Variants in NACAD observed in about 807,000 individuals in gnomAD.
The protein encoded by NACAD is NAC alpha domain containing.
A neutral mutation model predicts 98.9 loss-of-function variants in NACAD; 47 were observed. The ratio of observed to expected loss-of-function variants is 0.48; its 90% confidence interval spans 0.38 to 0.61. NACAD has a LOEUF of 0.61. Among genes scored for constraint, NACAD ranks in the 20% least tolerant of loss-of-function variants. The pLI, the probability that NACAD is intolerant of heterozygous loss-of-function variation, is 0.00. For missense variants in NACAD, 1,412 were observed against 1,748.2 expected (o/e 0.81, Z 3.43); for synonymous variants, 696 against 767.2 (o/e 0.91, Z 1.53).
intron 1 of NACAD, among the ~76,000 whole-genome samples, chr7:45,087,854 C>T (rs1339966102): frequency 6.6e-6 from 1 of 152,182 alleles, no homozygotes; most frequent in Non-Finnish European, 1.5e-5. Flanking sequence ...CTGGTGTGGC[C>T]CCCAGGGCAG....
chr7:45,081,530 G>C, intron 4 of NACAD, 71 bp downstream of exon 4: 1 of 1,525,452 alleles, frequency 6.6e-7, no homozygotes, highest in Non-Finnish European at 8.9e-7. Context: ...TGGAGTGTGA[G>C]GGTCTTGGTA....
At chr7:45,087,676 C>T (rs1322702199) in intron 1 of NACAD, among the ~76,000 whole-genome samples, 1 of 152,246 alleles carries the variant, frequency 6.6e-6, no homozygotes, top group Admixed American at 6.5e-5. Context: ...AACCACCAGC[C>T]AAAACTTGTC....
rs1443328028 is a variant in NACAD, at chr7:45,083,402, C to T, written c.2778G>A (p.Leu926=). 3 of 1,550,976 alleles carry T rather than the reference C, an allele frequency of 1.9e-6. No homozygotes were observed. Among genetic ancestry groups the T allele is most frequent in the South Asian group, 1.2e-5 (1 of 84,056 alleles). Residue 926 remains leucine, a synonymous_variant, in exon 2 of 8, where the codon CTG becomes CTA. Coordinates refer to ENST00000490531, the MANE Select transcript of NACAD (RefSeq NM_001146334.2). ...AGGTGGGGCCTGTGTCTTGCAGAGG[C>T]AGAGGTGCTGTCATAGCGGAGTCCT... ...LPQDSAMTAP[L]PLQDTGPTSG...
In NACAD at chr7:45,084,510, A is replaced by C; in HGVS notation, c.1670T>G (p.Leu557Trp). 2 of 1,552,286 alleles carry C rather than the reference A, an allele frequency of 1.3e-6. No homozygotes were observed. Among genetic ancestry groups the C allele is most frequent in the Non-Finnish European group, 1.7e-6 (2 of 1,147,112 alleles). The change falls in exon 2 of 8, where the codon TTG becomes TGG. Residue 557 changes from leucine (L) to tryptophan (W), a missense_variant. Leu to Trp is a moderately conservative substitution (Grantham distance 61). This residue lies in a region of NACAD where 638 missense variants were observed against 722.7 expected (regional missense o/e 0.88). Coordinates refer to ENST00000490531, the MANE Select transcript of NACAD (RefSeq NM_001146334.2). The stretch of plus-strand genomic sequence containing the variant: ...CAAGTTCTGAGGAGAGTCTGGACAC[A>C]ATGTGAGGCTTGTTTCTTCCTGTGG... ...PTPQEETSLT[L>W]CPDSPQNLKE...
Position 45,083,149 on chromosome 7 carries a change from TC to T in NACAD, c.3030del (p.Thr1011HisfsTer31). The T allele has an allele frequency of 6.4e-7, 1 of 1,550,820 alleles. No individual in the cohort carries two copies. Among genetic ancestry groups the T allele is most frequent in the Non-Finnish European group, 8.7e-7 (1 of 1,146,990 alleles). Reference protein sequence around the residue: ...QDDPQPAAEAGTPWAAQEDAD... With the variant: ...QDDPQPAAEAXTPWAAQEDAD... ...GCATCTTCCTGTGCGGCCCAAGGTG[TC>T]CCAGCTTCTGCAGCTGGCTGTGGGT... is the stretch of plus-strand genomic sequence containing the variant. On this transcript the variant is annotated frameshift_variant, in exon 2 of 8. Coordinates refer to ENST00000490531, the MANE Select transcript of NACAD (RefSeq NM_001146334.2). LOFTEE classifies it high-confidence loss of function.
Position 45,085,391 on chromosome 7 carries a change from T to C in NACAD, c.789A>G (p.Arg263=), listed in dbSNP as rs1008441432. Residue 263 remains arginine (R), a synonymous_variant, in exon 2 of 8, where the codon CGA becomes CGG. Transcript: ENST00000490531. This position sits in a 1 kb window ranked among gnomAD's most constrained non-coding sequence, Gnocchi z 6.1. ...CTGGGGTCCCTGCTGGGTGCAGCTC[T>C]CGTTCATCCACCATGGACCCCTGCG... ...LSPQGSMVDE[R]ELHPAGTPEP... is the part of the protein sequence containing the mutation. 1.4e-5 allele frequency: 22 copies of C among 1,547,606 alleles called. No homozygotes were observed. Among genetic ancestry groups the C allele is most frequent in the Non-Finnish European group, 1.9e-5 (22 of 1,145,264 alleles).
At chr7:45,081,550 C>T (rs1784430334) in intron 4 of NACAD, 51 bp downstream of exon 4, 2 of 1,546,128 alleles carry the variant, frequency 1.3e-6, no homozygotes, top group South Asian at 2.4e-5. Flanking sequence ...AAGGACGTTC[C>T]CCACACAGAT....
chr7:45,086,287 T>G (rs1381039759), intron 1 of NACAD, among the ~76,000 whole-genome samples, 175 bp from the exon 2 acceptor site: 1 of 152,154 alleles, frequency 6.6e-6, no homozygotes, highest in Non-Finnish European at 1.5e-5. Context: ...TTCCAGGAGT[T>G]TTGACAGCAG....
Position 45,084,554 on chromosome 7 carries a change from A to G in NACAD, c.1626T>C (p.Thr542=). 1 of 1,552,166 alleles carries G rather than the reference A, an allele frequency of 6.4e-7. No individual in the cohort carries two copies. Among genetic ancestry groups the G allele is most frequent in the Non-Finnish European group, 8.7e-7 (1 of 1,147,102 alleles). Residue 542 remains threonine (T), a synonymous_variant, in exon 2 of 8, where the codon ACT becomes ACC. Coordinates refer to ENST00000490531, the MANE Select transcript of NACAD (RefSeq NM_001146334.2). ...ISEILGQESV[T]AEKLPTPQEE... The stretch of plus-strand genomic sequence containing the variant: ...CCTGTGGAGTTGGAAGTTTTTCTGC[A>G]GTGACAGACTCTTGGCCTAAGATCT...
Position 45,082,895 on chromosome 7 carries a change from T to G in NACAD, c.3285A>C (p.Ser1095=). The change falls in exon 2 of 8, where the codon TCA becomes TCC. Residue 1095 remains serine (S), a synonymous_variant. Coordinates refer to ENST00000490531, the MANE Select transcript of NACAD (RefSeq NM_001146334.2). This position sits in a 1 kb window ranked among gnomAD's most constrained non-coding sequence, Gnocchi z 4.5. ...GGACCTCCCTTGCACCTCCAAGTGC[T>G]GACCTGGGTCCATGTTCCTGTGCCA... is the stretch of plus-strand genomic sequence containing the variant. ...KPLAQEHGPR[S]ALGGAREVPD... 6.4e-7 allele frequency: 1 copy of G among 1,550,964 alleles called. No homozygotes were observed. The highest frequency in any genetic ancestry group is 8.7e-7 in the Non-Finnish European group (1 of 1,146,980).
In NACAD at chr7:45,083,409, G is replaced by A; in HGVS notation, c.2771C>T (p.Ala924Val). The part of the protein sequence containing the change: ...LTLPQDSAMT[A>V]PLPLQDTGPT... ...GCCTGTGTCTTGCAGAGGCAGAGGT[G>A]CTGTCATAGCGGAGTCCTGGGGTAA... The change falls in exon 2 of 8, where the codon GCA becomes GTA. Residue 924 changes from alanine (A) to valine (V), a missense_variant. Ala to Val is a moderately conservative substitution (Grantham distance 64, BLOSUM62 0). Coordinates refer to ENST00000490531, the MANE Select transcript of NACAD (RefSeq NM_001146334.2). The A allele has an allele frequency of 6.4e-7, 1 of 1,550,776 alleles. No homozygotes were observed. Among genetic ancestry groups the A allele is most frequent in the Non-Finnish European group, 8.7e-7 (1 of 1,147,020 alleles).
Position 45,085,524 on chromosome 7 carries a change from G to C in NACAD, c.656C>G (p.Ser219Cys). 6.4e-7 allele frequency: 1 copy of C among 1,550,762 alleles called. No individual in the cohort carries two copies. Among genetic ancestry groups the C allele is most frequent in the Non-Finnish European group, 8.7e-7 (1 of 1,146,948 alleles). The stretch of plus-strand genomic sequence containing the variant: ...GCTGTCCCCATCGGCCGTAATGTAG[G>C]AGCCCGAGGGTGAGGCGGGGGGCGA... ...LDSPPASPSG[S>C]YITADGDSWA... Residue 219 changes from serine to cysteine, a missense_variant, in exon 2 of 8, where the codon TCC (serine) becomes TGC (cysteine). Coordinates refer to ENST00000490531, the MANE Select transcript of NACAD (RefSeq NM_001146334.2). The surrounding 1 kb of genome is among the most constrained non-coding windows in gnomAD (Gnocchi z 6.1).
In NACAD at chr7:45,084,530, C is replaced by T. The variant is rs1323662305; in HGVS notation, c.1650G>A (p.Gln550=). The change falls in exon 2 of 8, where the codon CAG becomes CAA. Residue 550 remains glutamine, a synonymous_variant. Transcript: ENST00000490531. ...GACACAATGTGAGGCTTGTTTCTTC[C>T]TGTGGAGTTGGAAGTTTTTCTGCAG... is the stretch of plus-strand genomic sequence containing the variant. ...SVTAEKLPTP[Q]EETSLTLCPD... 1 of 1,552,256 alleles carries T rather than the reference C, an allele frequency of 6.4e-7. No homozygotes were observed.
At position 45,088,827 on chromosome 7, in the gene NACAD, C is replaced by T; in HGVS notation, c.67+1G>A. On this transcript the variant is annotated splice_donor_variant, in intron 1 of 7. Coordinates refer to ENST00000490531, the MANE Select transcript of NACAD (RefSeq NM_001146334.2). LOFTEE classifies it high-confidence loss of function. This position sits in a 1 kb window ranked among gnomAD's most constrained non-coding sequence, Gnocchi z 5.7. Reference sequence around the variant, plus strand: ...CAGGGAAAGAGTGGCCACGGCCTCACCTGTGCGGGGCCCGGGTCGGTCCGC... The same window carrying T: ...CAGGGAAAGAGTGGCCACGGCCTCATCTGTGCGGGGCCCGGGTCGGTCCGC... 6.7e-7 allele frequency: 1 copy of T among 1,493,280 alleles called. No homozygotes were observed. The highest frequency in any genetic ancestry group is 8.9e-7 in the Non-Finnish European group (1 of 1,126,642). The allele number at this position is 1,493,280 out of a possible 1,614,324, so 92.5% of individuals were successfully genotyped here.
intron 1 of NACAD, among the ~76,000 whole-genome samples, chr7:45,087,971 G>A (rs1440237452): frequency 6.6e-6 from 1 of 152,172 alleles, no homozygotes; most frequent in Non-Finnish European, 1.5e-5. Flanking sequence ...CAAGACCCTG[G>A]GGCTGGGAAG....
chr7:45,080,535 GAT>G lies in NACAD; in HGVS notation c.4675-14_4675-13del. The G allele has an allele frequency of 6.4e-7, 1 of 1,551,450 alleles. No homozygotes were observed. Among genetic ancestry groups the G allele is most frequent in the Non-Finnish European group, 8.7e-7 (1 of 1,146,906 alleles). On this transcript the variant is annotated splice_polypyrimidine_tract_variant and intron_variant, in intron 7 of 7. Transcript: ENST00000490531. ...TACATGGTCAGTTCCTGCAGAAAGA[GAT>G]GGTCATGTTGGGGGAAGCACCCCGC... is the stretch of plus-strand genomic sequence containing the variant.
Position 45,083,249 on chromosome 7 carries a change from T to G in NACAD, c.2931A>C (p.Pro977=). ...QEVGEALGPR[P]APEEKNAALP... ...GGGCTGCATTCTTCTCCTCAGGTGC[T>G]GGCCTGGGGCCTAAGGCCTCACCTA... The change falls in exon 2 of 8, where the codon CCA becomes CCC. Residue 977 remains proline, a synonymous_variant. Coordinates refer to ENST00000490531, the MANE Select transcript of NACAD (RefSeq NM_001146334.2). The G allele has an allele frequency of 6.4e-7, 1 of 1,551,042 alleles. No individual in the cohort carries two copies. Among genetic ancestry groups the G allele is most frequent in the Non-Finnish European group, 8.7e-7 (1 of 1,146,982 alleles).
chr7:45,082,095 C>T lies in NACAD; in HGVS notation c.4072+13G>A. ...CAAGCCCCAGGGCACTTCACTCCCA[C>T]CCTCTGCCTTACCTTCCTCCAGGCT... On this transcript the variant is annotated intron_variant, in intron 2 of 7. Coordinates refer to ENST00000490531, the MANE Select transcript of NACAD (RefSeq NM_001146334.2). This position sits in a 1 kb window ranked among gnomAD's most constrained non-coding sequence, Gnocchi z 4.5. The T allele has an allele frequency of 6.8e-7, 1 of 1,466,102 alleles. No homozygotes were observed. Among genetic ancestry groups the T allele is most frequent in the Non-Finnish European group, 9.0e-7 (1 of 1,107,730 alleles). The allele number at this position is 1,466,102 out of a possible 1,614,324, so 90.8% of individuals were successfully genotyped here.
chr7:45,080,827 T>C, intron 6 of NACAD, 49 bp downstream of exon 6: 1 of 1,549,304 alleles, frequency 6.5e-7, no homozygotes, highest in Non-Finnish European at 8.7e-7. Context: ...AGCCCCCATG[T>C]AGCGCCTCCC....
Sources: gnomAD v4.1 joint callset for allele counts (sites outside exome capture counted in the v4.1 genomes callset) on GRCh38, gnomAD v4.1.1 for gene constraint, gnomAD v4.1.1 regional missense constraint, Gnocchi (gnomAD v3.1) non-coding constraint, MANE v1.5 for transcripts, NCBI Gene and HGNC (gene_info 2026-07-23, HGNC 2026-07-21) for gene names.